Variants in UNC80 observed in about 807,000 individuals in gnomAD.
The protein encoded by UNC80 is protein unc-80 homolog.
In UNC80, 164 loss-of-function variants were observed where a neutral mutation model predicts 384.6. The observed-to-expected ratio is 0.43, with a 90% CI of 0.38 to 0.49. The LOEUF (loss-of-function observed/expected upper bound fraction) is 0.49, where lower values mean the gene tolerates loss of function less well. Among genes scored for constraint, UNC80 ranks in the 20% least tolerant of loss-of-function variants. The probability of loss-of-function intolerance (pLI) is 0.00; values close to 1 mark genes in which losing one functional copy is unlikely to be tolerated. For missense variants in UNC80, 3,330 were observed against 4,143.0 expected (o/e 0.80, Z 5.39); for synonymous variants, 1,486 against 1,527.8 (o/e 0.97, Z 0.64).
intron 7 of UNC80, among the ~76,000 whole-genome samples, chr2:209,796,756 T>A (rs1181895535): frequency 1.3e-5 from 2 of 152,202 alleles, no homozygotes; most frequent in African/African-American, 4.8e-5. Flanking sequence ...CATCCTGCCA[T>A]GATTCTGAGG....
intron 2 of UNC80, among the ~76,000 whole-genome samples, chr2:209,774,095 T>C (rs1184358602): frequency 6.6e-6 from 1 of 152,234 alleles, no homozygotes; most frequent in Non-Finnish European, 1.5e-5. Context: ...CATGCATATT[T>C]ACAAATAGCT....
intron 51 of UNC80, among the ~76,000 whole-genome samples, chr2:209,964,184 G>C (rs557273585): frequency 6.6e-6 from 1 of 152,274 alleles, no homozygotes; most frequent in East Asian, 1.9e-4. Flanking sequence ...TAGTTAATAT[G>C]TGAGACAAAG....
chr2:209,972,220 C>T lies in UNC80; in HGVS notation c.8276C>T (p.Pro2759Leu), dbSNP rs1197450079. 7 of 1,551,058 alleles carry T rather than the reference C, an allele frequency of 4.5e-6. No individual in the cohort carries two copies. Among genetic ancestry groups the T allele is most frequent in the Non-Finnish European group, 6.1e-6 (7 of 1,146,694 alleles). The change falls in exon 55 of 65, where the codon CCT becomes CTT. Residue 2759 changes from proline (P) to leucine (L), a missense_variant. Physicochemically the swap from Pro to Leu is moderately conservative, Grantham distance 98. Transcript: ENST00000673920. ...LQIQALKEDFPLSHVISPFTN... is the reference protein window; with the variant it reads ...LQIQALKEDFLLSHVISPFTN... Reference sequence around the variant, plus strand: ...GCACAGGCTTTAAAAGAAGATTTTCCTTTAAGCCATGTGATCTCCCCATTC... The same window carrying T: ...GCACAGGCTTTAAAAGAAGATTTTCTTTTAAGCCATGTGATCTCCCCATTC...
At chr2:209,896,468 A>G in intron 28 of UNC80, 55 bp downstream of exon 28, 1 of 1,365,770 alleles carries the variant, frequency 7.3e-7, no homozygotes, top group Non-Finnish European at 1.0e-6. Context: ...GCACTGGGGA[A>G]GATCCAAGGA....
chr2:209,816,515 T>C (rs1247663246), intron 9 of UNC80, among the ~76,000 whole-genome samples: 1 of 152,244 alleles, frequency 6.6e-6, no homozygotes, highest in South Asian at 2.1e-4. Context: ...TTGCAAACTT[T>C]AGTGTGCATC....
intron 4 of UNC80, among the ~76,000 whole-genome samples, chr2:209,785,307 A>ATGTATT (rs2077363180): frequency 6.6e-6 from 1 of 152,198 alleles, no homozygotes; most frequent in Non-Finnish European, 1.5e-5. Flanking sequence ...TCAGAATGTC[A>ATGTATT]TGTATTTGTA....
At position 209,884,637 on chromosome 2, in the gene UNC80, G is replaced by A. The variant is rs184374558; in HGVS notation, c.4111-3458G>A. 2.2e-3 allele frequency among the ~76,000 whole-genome samples: 342 copies of A among 152,094 alleles called. 3 individuals are homozygous for A. Among genetic ancestry groups the A allele is most frequent in the African/African-American group, 7.8e-3 (324 of 41,476 alleles). On this transcript the variant is annotated intron_variant, in intron 25 of 64. Coordinates refer to ENST00000673920, the MANE Select transcript of UNC80 (RefSeq NM_001371986.1). The stretch of plus-strand genomic sequence containing the variant: ...ACACTATTCACAGTAGCAAAGACAT[G>A]GAATCAACCCAAATACCCATCAATA...
In UNC80 at chr2:209,976,841, A is replaced by G; in HGVS notation, c.8773-72A>G. ...CCTTATTTATTCCTCACAACAATGA[A>G]ATAGGTACAGCAATTAGCCCATTTT... On this transcript the variant is annotated intron_variant, in intron 57 of 64. Coordinates refer to ENST00000673920, the MANE Select transcript of UNC80 (RefSeq NM_001371986.1). The surrounding 1 kb of genome is among the most constrained non-coding windows in gnomAD (Gnocchi z 4.3). 1 of 1,426,882 alleles carries G rather than the reference A, an allele frequency of 7.0e-7. No individual in the cohort carries two copies. Among genetic ancestry groups the G allele is most frequent in the African/African-American group, 1.4e-5 (1 of 70,096 alleles). 88.4% of individuals were successfully genotyped at this position (1,426,882 alleles called of 1,614,324 possible).
chr2:209,940,437 T>G, intron 43 of UNC80, among the ~76,000 whole-genome samples: 1 of 152,358 alleles, frequency 6.6e-6, no homozygotes, highest in Admixed American at 6.5e-5. Context: ...AGACCCACTT[T>G]GGAGCCTCGC....
chr2:209,896,369 G>A lies in UNC80; in HGVS notation c.4537G>A (p.Ala1513Thr), dbSNP rs1299550587. The change falls in exon 28 of 65, where the codon GCC becomes ACC. Residue 1513 changes from alanine (A) to threonine (T), a missense_variant. Physicochemically the swap from Ala to Thr is moderately conservative, Grantham distance 58. Around this residue, in one of 8 missense-constraint regions of UNC80, gnomAD observed 801 missense variants for 950.8 expected, o/e 0.84. Transcript: ENST00000673920. ...CATTGAGCCAGAGGGAATGAGTAAT[G>A]CCGGCGCGGAGGAGAATTACCACAG... The part of the protein sequence containing the change: ...PSIEPEGMSN[A>T]GAEENYHRNM... 6.4e-7 allele frequency: 1 copy of A among 1,551,528 alleles called. No homozygotes were observed.
intron 22 of UNC80, among the ~76,000 whole-genome samples, chr2:209,867,410 T>G (rs1418230303): frequency 6.6e-6 from 1 of 151,890 alleles, no homozygotes; most frequent in Admixed American, 6.6e-5. Context: ...AAATTATTTT[T>G]GGGGGCTGGG....
intron 28 of UNC80, among the ~76,000 whole-genome samples, chr2:209,898,992 G>T (rs1439248516): frequency 6.6e-6 from 1 of 152,102 alleles, no homozygotes; most frequent in Non-Finnish European, 1.5e-5. Flanking sequence ...TTGTGTATAT[G>T]TACCACATTT....
chr2:209,889,053 CAG>C (rs2086094171), intron 26 of UNC80, among the ~76,000 whole-genome samples: 1 of 152,038 alleles, frequency 6.6e-6, no homozygotes, highest in Non-Finnish European at 1.5e-5. Context: ...ACTATGAAGA[CAG>C]AAAGAACAGC....
At position 209,976,991 on chromosome 2, in the gene UNC80, A is replaced by G; in HGVS notation, c.8851A>G (p.Ile2951Val). ...TGCCGACCAGCTGGAGCGGCGCTTC[A>G]TACCACGCCCTTTGTGTAAGAGCTC... The part of the protein sequence containing the change: ...HIADQLERRF[I>V]PRPLCKSSLI... Residue 2951 changes from isoleucine (I) to valine (V), a missense_variant, in exon 58 of 65, where the codon ATA (isoleucine) becomes GTA (valine). By Grantham distance (29) the Ile-to-Val change is conservative. Around this residue, in one of 8 missense-constraint regions of UNC80, gnomAD observed 216 missense variants for 245.3 expected, o/e 0.88. Coordinates refer to ENST00000673920, the MANE Select transcript of UNC80 (RefSeq NM_001371986.1). This position sits in a 1 kb window ranked among gnomAD's most constrained non-coding sequence, Gnocchi z 4.3. 1 of 1,539,114 alleles carries G rather than the reference A, an allele frequency of 6.5e-7. No homozygotes were observed. The highest frequency in any genetic ancestry group is 1.2e-5 in the South Asian group (1 of 83,550).
At chr2:209,988,336 T>C (rs559621123) in intron 61 of UNC80, among the ~76,000 whole-genome samples, 1 of 152,322 alleles carries the variant, frequency 6.6e-6, no homozygotes, top group East Asian at 1.9e-4. Context: ...ATGAATTCAC[T>C]TTTCCATGTG....
intron 30 of UNC80, among the ~76,000 whole-genome samples, chr2:209,913,375 T>C (rs370384115): frequency 5.3e-5 from 8 of 152,282 alleles, no homozygotes; most frequent in African/African-American, 1.7e-4. Flanking sequence ...GGAAATGCCA[T>C]GCATGTTCAC....
chr2:209,839,388 T>A lies in UNC80; in HGVS notation c.3208T>A (p.Ser1070Thr). 6.4e-7 allele frequency: 1 copy of A among 1,552,006 alleles called. No homozygotes were observed. Among genetic ancestry groups the A allele is most frequent in the Non-Finnish European group, 8.7e-7 (1 of 1,147,054 alleles). The change falls in exon 19 of 65, where the codon TCC becomes ACC. Residue 1070 changes from serine (S) to threonine (T), a missense_variant. Physicochemically the swap from Ser to Thr is moderately conservative, Grantham distance 58. Transcript: ENST00000673920. The surrounding 1 kb of genome is among the most constrained non-coding windows in gnomAD (Gnocchi z 4.1). ...CTCTGACCGACGTGCCCGCTCACGA[T>A]CCCGCAGAATTTCCCTCCGAAAGAA... ...TTSDRRARSR[S>T]RRISLRKKLK... is the part of the protein sequence containing the mutation.
Position 209,829,008 on chromosome 2 carries a change from G to A in UNC80, c.2479-224G>A, listed in dbSNP as rs78815362. Among the ~76,000 whole-genome samples the A allele has an allele frequency of 1.2e-3, 179 of 152,144 alleles. 1 individual carries two copies. In the East Asian group the frequency reaches 0.015, roughly 13 times the overall value. ...TTAGACCTTAGCTTTGAGCTTTGGG[G>A]TTTTTCCTATGGAGCAGTTGTTCTC... On this transcript the variant is annotated intron_variant, in intron 14 of 64. Coordinates refer to ENST00000673920, the MANE Select transcript of UNC80 (RefSeq NM_001371986.1).
chr2:209,910,300 A>T (rs917830940), intron 29 of UNC80, among the ~76,000 whole-genome samples: 1 of 151,912 alleles, frequency 6.6e-6, no homozygotes, highest in Admixed American at 6.6e-5. Flanking sequence ...TGCCTTTGGA[A>T]CTAGTCTCCT....
Sources: allele counts gnomAD v4.1 joint callset (sites outside exome capture counted in the v4.1 genomes callset), GRCh38; gene constraint gnomAD v4.1.1; regional missense constraint gnomAD v4.1.1; non-coding constraint Gnocchi (gnomAD v3.1); transcripts MANE v1.5; gene names NCBI Gene and HGNC (gene_info 2026-07-23, HGNC 2026-07-21).